The following FILIP1L variants were observed in gnomAD, a reference collection of about 807,000 sequenced individuals.
FILIP1L encodes filamin A-interacting protein 1-like.
In FILIP1L, 55 loss-of-function variants were observed where a neutral mutation model predicts 96.6. That is an observed-to-expected ratio of 0.57 (90% CI 0.46 to 0.71). The LOEUF (loss-of-function observed/expected upper bound fraction) is 0.71, where lower values mean the gene tolerates loss of function less well. FILIP1L is among the 30% of genes least tolerant of loss of function. FILIP1L has a pLI of 0.00. For missense variants in FILIP1L, 1,304 were observed against 1,321.2 expected (o/e 0.99, Z 0.20); for synonymous variants, 467 against 473.9 (o/e 0.99, Z 0.19).
At chr3:99,969,308 C>G (rs1260031444) in intron 1 of FILIP1L, among the ~76,000 whole-genome samples, 5 of 152,108 alleles carry the variant, frequency 3.3e-5, no homozygotes, top group Non-Finnish European at 7.4e-5. Context: ...TGTTTGGGCT[C>G]TTGAGCAATA....
chr3:100,024,281 C>T (rs2064879237), intron 1 of FILIP1L, among the ~76,000 whole-genome samples: 2 of 152,096 alleles, frequency 1.3e-5, no homozygotes, highest in African/African-American at 2.4e-5. Context: ...ATAGGTTTGC[C>T]GATTACAATT....
At chr3:99,840,891 T>G (rs1298817000) in intron 5 of FILIP1L, among the ~76,000 whole-genome samples, 1 of 152,248 alleles carries the variant, frequency 6.6e-6, no homozygotes, top group Non-Finnish European at 1.5e-5. Flanking sequence ...AACTGAGGCT[T>G]TGTTAATCTA....
chr3:100,026,134 T>A (rs750215981), intron 1 of FILIP1L, among the ~76,000 whole-genome samples: 2 of 152,188 alleles, frequency 1.3e-5, no homozygotes, highest in Non-Finnish European at 2.9e-5. Context: ...GACCTCTGTA[T>A]CAGGATGCTG....
At chr3:99,889,367 T>A (rs147196753) in intron 4 of FILIP1L, among the ~76,000 whole-genome samples, 89 of 152,226 alleles carry the variant, frequency 5.8e-4, no homozygotes, top group Admixed American at 1.9e-3. Context: ...TAAGTTCATT[T>A]TGTTTGATAT....
At chr3:99,999,015 C>T (rs978968119) in intron 1 of FILIP1L, among the ~76,000 whole-genome samples, 4 of 152,334 alleles carry the variant, frequency 2.6e-5, no homozygotes, top group East Asian at 3.9e-4. Flanking sequence ...TTAGCTTTGA[C>T]GTTGCTACTC....
intron 4 of FILIP1L, among the ~76,000 whole-genome samples, chr3:99,861,171 T>C (rs540247287): frequency 5.9e-5 from 9 of 152,290 alleles, no homozygotes; most frequent in African/African-American, 2.2e-4. Context: ...CTTTCCATTT[T>C]GATTGTTAAT....
intron 1 of FILIP1L, among the ~76,000 whole-genome samples, chr3:100,110,227 C>G (rs981382369): frequency 1.3e-5 from 2 of 152,108 alleles, no homozygotes; most frequent in African/African-American, 4.8e-5. Context: ...TGATCAAATG[C>G]AAAGGTTCTT....
At chr3:100,082,821 C>G (rs1166907657) in intron 1 of FILIP1L, among the ~76,000 whole-genome samples, 1 of 152,168 alleles carries the variant, frequency 6.6e-6, no homozygotes, top group Non-Finnish European at 1.5e-5. Context: ...GACTTACCTT[C>G]GTTGACTTAA....
intron 1 of FILIP1L, among the ~76,000 whole-genome samples, chr3:100,003,303 T>C (rs935428022): frequency 6.6e-6 from 1 of 152,214 alleles, no homozygotes; most frequent in Non-Finnish European, 1.5e-5. Context: ...TTGATTTCTG[T>C]CTCAGTGTAG....
At chr3:99,893,209 A>T (rs1393945329) in intron 4 of FILIP1L, among the ~76,000 whole-genome samples, 1 of 132,026 alleles carries the variant, frequency 7.6e-6, no homozygotes, top group Non-Finnish European at 1.5e-5. Flanking sequence ...TCTGTTGCCC[A>T]GGCTGGAGTG....
At chr3:99,983,392 A>ATG (rs1314015302) in intron 1 of FILIP1L, among the ~76,000 whole-genome samples, 1,159 of 22,548 alleles carry the variant, frequency 0.051, 72 homozygotes, top group Non-Finnish European at 0.11. Context: ...ATAAATAAAT[A>ATG]TATATATATA....
intron 4 of FILIP1L, among the ~76,000 whole-genome samples, chr3:99,879,889 GAGGTAT>G (rs989153745): frequency 2.4e-4 from 36 of 152,312 alleles, no homozygotes; most frequent in African/African-American, 8.4e-4. Flanking sequence ...TGCATAGGGA[GAGGTAT>G]AGTTCCATGG....
At position 99,960,506 on chromosome 3, in the gene FILIP1L, A is replaced by G. The variant is rs1708459086; in HGVS notation, c.-10-29476T>C. Reference sequence around the variant, plus strand: ...GAAGCAACATTCTGATTAGGAATATAAAAGATTACAGCGTGAAGTGAAATA... The same window carrying G: ...GAAGCAACATTCTGATTAGGAATATGAAAGATTACAGCGTGAAGTGAAATA... On this transcript the variant is annotated intron_variant, in intron 1 of 5. Transcript: ENST00000477258. 2.0e-5 allele frequency among the ~76,000 whole-genome samples: 3 copies of G among 152,354 alleles called. No individual in the cohort carries two copies. In the South Asian group the frequency reaches 6.2e-4, roughly 32 times the overall value.
intron 1 of FILIP1L, among the ~76,000 whole-genome samples, chr3:100,091,537 A>G (rs908255056): frequency 6.6e-6 from 1 of 152,246 alleles, no homozygotes; most frequent in African/African-American, 2.4e-5. Flanking sequence ...GTTCCCAGCC[A>G]TAAGCATCAT....
chr3:100,068,451 A>G (rs552796639), intron 1 of FILIP1L, among the ~76,000 whole-genome samples: 1 of 152,294 alleles, frequency 6.6e-6, no homozygotes, highest in Non-Finnish European at 1.5e-5. Context: ...GAACTAACAC[A>G]CAAGTCTATC....
At chr3:99,860,230 G>C (rs569466521) in intron 4 of FILIP1L, among the ~76,000 whole-genome samples, 2 of 152,166 alleles carry the variant, frequency 1.3e-5, no homozygotes, top group Non-Finnish European at 2.9e-5. Context: ...CTTTAGCTTG[G>C]TGTCAGAGGA....
chr3:99,885,422 C>T (rs746990448), intron 4 of FILIP1L, among the ~76,000 whole-genome samples: 14 of 152,274 alleles, frequency 9.2e-5, no homozygotes, highest in Admixed American at 2.0e-4. Context: ...TAGACTATGC[C>T]CCTTAGAGTT....
intron 2 of FILIP1L, 128 bp downstream of exon 2, chr3:99,930,641 C>T: frequency 1.0e-6 from 1 of 965,876 alleles, no homozygotes; most frequent in South Asian, 1.6e-5. Context: ...TGTATATATA[C>T]TTATGCTTTG....
intron 1 of FILIP1L, among the ~76,000 whole-genome samples, chr3:99,972,442 C>G (rs1449698496): frequency 6.6e-6 from 1 of 152,186 alleles, no homozygotes; most frequent in African/African-American, 2.4e-5. Context: ...GTCCCCGTCC[C>G]CATTTGAGTA....
Sources: allele counts gnomAD v4.1 joint callset (sites outside exome capture counted in the v4.1 genomes callset), GRCh38; gene constraint gnomAD v4.1.1; transcripts MANE v1.5; gene names NCBI Gene and HGNC (gene_info 2026-07-23, HGNC 2026-07-21).